The following CNOT2 variants were observed in gnomAD, a reference collection of about 807,000 sequenced individuals.
CNOT2 encodes the protein CC chemokine receptor 4-negative regulator of transcription 2.
CNOT2 carries 7 observed loss-of-function variants against 72.1 expected under a neutral mutation model. The ratio of observed to expected loss-of-function variants is 0.10; its 90% confidence interval spans 0.06 to 0.18. CNOT2 has a LOEUF of 0.18. Ranked by LOEUF, CNOT2 falls within the 10% of genes least tolerant of loss-of-function variation. CNOT2 has a pLI of 1.00. For synonymous variants in CNOT2, 196 were observed against 225.6 expected, an observed-to-expected ratio of 0.87 and a Z score of 1.17; for missense variants, 345 against 660.3, an observed-to-expected ratio of 0.52 and a Z score of 5.23.
At chr12:70,331,936 T>C (rs1438532258) in intron 6 of CNOT2, among the ~76,000 whole-genome samples, 1 of 151,766 alleles carries the variant, frequency 6.6e-6, no homozygotes, top group Non-Finnish European at 1.5e-5. Flanking sequence ...GTTGACACTC[T>C]TAATTATTTG....
intron 2 of CNOT2, among the ~76,000 whole-genome samples, chr12:70,282,328 G>A (rs923677262): frequency 5.3e-5 from 8 of 152,158 alleles, no homozygotes; most frequent in African/African-American, 1.4e-4. Flanking sequence ...ATCCTATTCC[G>A]TACGTTTCTG....
chr12:70,262,428 T>C (rs1442859150), intron 1 of CNOT2, among the ~76,000 whole-genome samples: 1 of 151,032 alleles, frequency 6.6e-6, no homozygotes, highest in Non-Finnish European at 1.5e-5. Flanking sequence ...CGCCCGCCAC[T>C]ACACCCGGTC....
chr12:70,309,275 T>A lies in CNOT2; in HGVS notation c.49-1620T>A, dbSNP rs149071658. ...TAAATTGTTAGACCCTTAAAAAATA[T>A]CTTTGTATATTTCACACCTCAAGCG... On this transcript the variant is annotated intron_variant, in intron 2 of 15. Transcript: ENST00000229195. Among the ~76,000 whole-genome samples the A allele has an allele frequency of 8.5e-4, 130 of 152,262 alleles. 1 individual carries two copies. Among genetic ancestry groups the A allele is most frequent in the Middle Eastern group, 6.8e-3 (2 of 294 alleles).
intron 1 of CNOT2, among the ~76,000 whole-genome samples, chr12:70,249,517 T>C (rs534405922): frequency 6.6e-6 from 1 of 151,980 alleles, no homozygotes; most frequent in Non-Finnish European, 1.5e-5. Flanking sequence ...GAGTCTAATT[T>C]CTTTCTCATT....
Position 70,346,164 on chromosome 12 carries a change from C to T in CNOT2, c.1392-16C>T, listed in dbSNP as rs377019785. 4.5e-6 allele frequency: 7 copies of T among 1,562,980 alleles called. No individual in the cohort carries two copies. The highest frequency in any genetic ancestry group is 6.1e-6 in the Non-Finnish European group (7 of 1,142,066). On this transcript the variant is annotated splice_polypyrimidine_tract_variant and intron_variant, in intron 14 of 15. Transcript: ENST00000229195. The stretch of plus-strand genomic sequence containing the variant: ...CACAGGAAAAAGTTAATTATCTTTT[C>T]TTTTAAAAATTGAAGTTTTAACCGT...
At chr12:70,250,044 G>T (rs973787897) in intron 1 of CNOT2, among the ~76,000 whole-genome samples, 1 of 152,012 alleles carries the variant, frequency 6.6e-6, no homozygotes, top group South Asian at 2.1e-4. Flanking sequence ...ACAGCAAACC[G>T]GTTAACCTGA....
At chr12:70,338,297 C>G in intron 9 of CNOT2, 146 bp from the exon 10 acceptor site, 1 of 644,692 alleles carries the variant, frequency 1.6e-6, no homozygotes, top group East Asian at 2.9e-5. Context: ...ATGATGGAAA[C>G]AATTTTCTAT....
chr12:70,341,823 C>T (rs1278641926), intron 11 of CNOT2, among the ~76,000 whole-genome samples: 2 of 152,054 alleles, frequency 1.3e-5, no homozygotes, highest in Non-Finnish European at 2.9e-5. Context: ...GAGTTGAAAT[C>T]AAGTAAAAGT....
At position 70,252,112 on chromosome 12, in the gene CNOT2, T is replaced by C. The variant is rs1958167844; in HGVS notation, c.-96+8632T>C. On this transcript the variant is annotated intron_variant, in intron 1 of 15. Transcript: ENST00000229195. ...CTGTTAATTGACATGCAGAAACAAA[T>C]CCTAAATTAATGTTTTTAAAGAGAA... 2.6e-5 allele frequency among the ~76,000 whole-genome samples: 4 copies of C among 152,338 alleles called. No homozygotes were observed. In the South Asian group the frequency reaches 8.3e-4, roughly 32 times the overall value.
chr12:70,334,617 A>G (rs897141516), intron 7 of CNOT2: 2 of 152,130 alleles, frequency 1.3e-5, no homozygotes, highest in South Asian at 4.1e-4. Flanking sequence ...TAAGAACCCA[A>G]GGTTATAAGA....
intron 1 of CNOT2, among the ~76,000 whole-genome samples, chr12:70,274,098 G>T (rs1158502742): frequency 6.6e-6 from 1 of 152,048 alleles, no homozygotes; most frequent in Admixed American, 6.6e-5. Context: ...CCCAGACCAG[G>T]TATGGTATTC....
At chr12:70,296,803 G>A (rs111755069) in intron 2 of CNOT2, among the ~76,000 whole-genome samples, 45 of 147,494 alleles carry the variant, frequency 3.1e-4, no homozygotes, top group Non-Finnish European at 6.2e-4. Context: ...AATAAAATTA[G>A]AATTATTTAT....
At chr12:70,299,738 C>G (rs570338228) in intron 2 of CNOT2, among the ~76,000 whole-genome samples, 2,051 of 152,172 alleles carry the variant, frequency 0.013, 46 homozygotes, top group African/African-American at 0.046. Flanking sequence ...GGTATATACC[C>G]AGTAATGGGA....
intron 2 of CNOT2, chr12:70,294,291 A>G (rs752550104): frequency 6.3e-5 from 81 of 1,289,338 alleles, no homozygotes; most frequent in Non-Finnish European, 8.2e-5. Context: ...AAGAAGTTGC[A>G]CAGGTAAGTA....
intron 2 of CNOT2, among the ~76,000 whole-genome samples, chr12:70,303,354 C>A (rs1419375729): frequency 6.6e-6 from 1 of 152,162 alleles, no homozygotes; most frequent in Non-Finnish European, 1.5e-5. Context: ...GTGGCTGGTA[C>A]CGGTTGTTCC....
In CNOT2 at chr12:70,288,379, TC is replaced by T. The variant is rs1241524529; in HGVS notation, c.48+10106del. ...CCAGGCTGGTCTCCAACTCCTGACC[TC>T]AGGTGATCCACCTACCTCGGCCTGG... is the stretch of plus-strand genomic sequence containing the variant. On this transcript the variant is annotated intron_variant, in intron 2 of 15. Transcript: ENST00000229195. Among the ~76,000 whole-genome samples the T allele has an allele frequency of 7.9e-5, 12 of 152,120 alleles. 1 individual carries two copies. Among genetic ancestry groups the T allele is most frequent in the Middle Eastern group, 3.2e-3 (1 of 316 alleles).
rs1366912703 is a variant in CNOT2 at position 70,278,193 on chromosome 12, T to TGCCTCCGGTACTGTG, written c.-33_-19dup. Reference sequence around the variant, plus strand: ...CCCTTGAGTGACAGTTCTATTTGATTGCCTCCGGTACTGTGAGGAAAGGAC... The same window carrying TGCCTCCGGTACTGTG: ...CCCTTGAGTGACAGTTCTATTTGATTGCCTCCGGTACTGTGGCCTCCGGTACTGTGAGGAAAGGAC... On this transcript the variant is annotated 5_prime_UTR_variant, in exon 2 of 16. Coordinates refer to ENST00000229195, the MANE Select transcript of CNOT2 (RefSeq NM_014515.7). 6.5e-7 allele frequency: 1 copy of TGCCTCCGGTACTGTG among 1,535,220 alleles called. No homozygotes were observed. The highest frequency in any genetic ancestry group is 2.3e-5 in the East Asian group (1 of 42,804).
intron 1 of CNOT2, among the ~76,000 whole-genome samples, chr12:70,250,195 A>T (rs953753194): frequency 6.6e-6 from 1 of 152,184 alleles, no homozygotes; most frequent in Admixed American, 6.5e-5. Flanking sequence ...CAAATAAGTG[A>T]AACACTAAGA....
intron 1 of CNOT2, among the ~76,000 whole-genome samples, chr12:70,248,885 A>C (rs1319626550): frequency 6.6e-6 from 1 of 152,038 alleles, no homozygotes; most frequent in Non-Finnish European, 1.5e-5. Context: ...CTTATACGTG[A>C]GTAGATGAAA....
Sources: gnomAD v4.1 joint callset for allele counts (sites outside exome capture counted in the v4.1 genomes callset) on GRCh38, gnomAD v4.1.1 for gene constraint, MANE v1.5 for transcripts, NCBI Gene and HGNC (gene_info 2026-07-23, HGNC 2026-07-21) for gene names.